The following MAPT variants were observed in gnomAD, a reference collection of about 807,000 sequenced individuals.
MAPT encodes microtubule associated protein tau, also known as microtubule-associated protein tau.
Under a neutral mutation model 67.9 loss-of-function variants are expected in MAPT, and 34 were observed. The ratio of observed to expected loss-of-function variants is 0.50; its 90% CI spans 0.38 to 0.67. MAPT has a LOEUF of 0.67. MAPT is among the 30% of genes least tolerant of loss of function. MAPT has a pLI of 0.00. For missense variants in MAPT, 881 were observed against 1,115.2 expected, an observed-to-expected ratio of 0.79 and a Z score of 2.99; for synonymous variants, 456 against 464.5, an observed-to-expected ratio of 0.98 and a Z score of 0.23.
Position 45,981,456 on chromosome 17 carries a change from T to C in MAPT, c.287-1410T>C, listed in dbSNP as rs1357935114. Among the ~76,000 whole-genome samples the C allele has an allele frequency of 3.9e-5, 6 of 152,200 alleles. 1 individual carries two copies. The East Asian group carries it at 1.2e-3, about 29-fold the overall frequency. ...TCAGCTGGGTTGGTGTGCAGCAAGCTGTGTGACCAGGGGACAGCAGTGGTC... is the reference window on the plus strand; with the variant it reads ...TCAGCTGGGTTGGTGTGCAGCAAGCCGTGTGACCAGGGGACAGCAGTGGTC... On this transcript the variant is annotated intron_variant, in intron 4 of 12. Coordinates refer to ENST00000262410, the MANE Select transcript of MAPT (RefSeq NM_001377265.1).
intron 1 of MAPT, among the ~76,000 whole-genome samples, chr17:45,935,623 C>A (rs62061719): frequency 6.6e-6 from 1 of 152,036 alleles, no homozygotes; most frequent in Non-Finnish European, 1.5e-5. Context: ...CCCCTGATGC[C>A]GGCTCCTGGC....
At position 45,983,798 on chromosome 17, in the gene MAPT, G is replaced by A; in HGVS notation, c.1219G>A (p.Gly407Arg). Reference protein sequence around the residue: ...LGRAAFPGAPGEGPEARGPSL... With the variant: ...LGRAAFPGAPREGPEARGPSL... ...AAGGGCTGCATTTCCAGGGGCCCCT[G>A]GAGAGGGGCCAGAGGCCCGGGGCCC... The change falls in exon 5 of 13, where the codon GGA becomes AGA. Residue 407 changes from glycine (G) to arginine (R), a missense_variant. This residue lies in a region of MAPT where 687 missense variants were observed against 766.1 expected (regional missense o/e 0.90). Coordinates refer to ENST00000262410, the MANE Select transcript of MAPT (RefSeq NM_001377265.1). 6.2e-7 allele frequency: 1 copy of A among 1,613,708 alleles called. No individual in the cohort carries two copies. The highest frequency in any genetic ancestry group is 8.5e-7 in the Non-Finnish European group (1 of 1,179,934).
chr17:46,012,643 T>C (rs1192974038), intron 10 of MAPT, among the ~76,000 whole-genome samples: 1 of 152,094 alleles, frequency 6.6e-6, no homozygotes, highest in Admixed American at 6.5e-5. Context: ...CTGGAAGCTC[T>C]GCAGGGCCTG....
chr17:45,920,876 C>T (rs1311473519), intron 1 of MAPT, among the ~76,000 whole-genome samples: 2 of 152,224 alleles, frequency 1.3e-5, no homozygotes, highest in Non-Finnish European at 2.9e-5. Flanking sequence ...CCTTCACCCA[C>T]CTCGCCCCTC....
intron 2 of MAPT, among the ~76,000 whole-genome samples, chr17:45,968,052 C>G (rs1349677104): frequency 2.0e-5 from 3 of 152,200 alleles, no homozygotes; most frequent in Non-Finnish European, 4.4e-5. Flanking sequence ...CGCCCTTCAT[C>G]CTGTCCCCCA....
Position 45,942,897 on chromosome 17 carries a change from C to A in MAPT, c.-17-19424C>A, listed in dbSNP as rs531649114. On this transcript the variant is annotated intron_variant, in intron 1 of 12. Transcript: ENST00000262410. ...TGACTTGCCCCAAAGTCGCACAGCT[C>A]CTAAGTGAAGGATTCGGAGTGGACT... Among the ~76,000 whole-genome samples, 6 of 152,312 alleles carry A rather than the reference C, an allele frequency of 3.9e-5. No individual in the cohort carries two copies. In the South Asian group the frequency reaches 1.2e-3, roughly 32 times the overall value.
chr17:45,967,289 C>T (rs1056470167), intron 2 of MAPT, among the ~76,000 whole-genome samples: 2 of 152,262 alleles, frequency 1.3e-5, no homozygotes, highest in South Asian at 4.1e-4. Flanking sequence ...TTCACTACTT[C>T]CAAGGGATTT....
chr17:45,993,983 C>T (rs1310111488), intron 8 of MAPT: 5 of 1,565,766 alleles, frequency 3.2e-6, no homozygotes, highest in Non-Finnish European at 4.3e-6. Flanking sequence ...GAGAGGTACT[C>T]GGGAGCCTAC....
chr17:46,000,889 G>A (rs1287160195), intron 9 of MAPT, among the ~76,000 whole-genome samples: 1 of 152,182 alleles, frequency 6.6e-6, no homozygotes, highest in African/African-American at 2.4e-5. Flanking sequence ...TTTGGCCTGC[G>A]GGAGTGGGAG....
At chr17:45,900,552 G>C (rs1009279638) in intron 1 of MAPT, among the ~76,000 whole-genome samples, 2 of 152,156 alleles carry the variant, frequency 1.3e-5, no homozygotes, top group African/African-American at 4.8e-5. Flanking sequence ...TCAGGGACCC[G>C]ATAGAAATCC....
intron 3 of MAPT, 73 bp from the exon 4 acceptor site, chr17:45,978,302 C>G (rs2145573405): frequency 8.3e-7 from 1 of 1,198,846 alleles, no homozygotes; most frequent in Non-Finnish European, 1.2e-6. Flanking sequence ...CCCGAAGGTA[C>G]AGAGAGCTTG....
intron 1 of MAPT, among the ~76,000 whole-genome samples, chr17:45,951,159 A>G (rs975509691): frequency 6.6e-6 from 1 of 152,218 alleles, no homozygotes; most frequent in Non-Finnish European, 1.5e-5. Context: ...GAAGAGATAC[A>G]TCCATGGTGA....
At chr17:45,972,501 A>G (rs17572248) in intron 3 of MAPT, among the ~76,000 whole-genome samples, 22,014 of 152,188 alleles carry the variant, frequency 0.14, 2,143 homozygotes, top group Non-Finnish European at 0.22. Flanking sequence ...GATTTTGACC[A>G]TCTTCTCTTG....
intron 1 of MAPT, among the ~76,000 whole-genome samples, chr17:45,919,828 G>A (rs555271959): frequency 1.3e-5 from 2 of 152,232 alleles, no homozygotes; most frequent in East Asian, 1.9e-4. Flanking sequence ...TGGGAGGATC[G>A]CTTGTGCCCA....
intron 9 of MAPT, among the ~76,000 whole-genome samples, chr17:46,002,027 G>A (rs1414591048): frequency 6.6e-6 from 1 of 152,218 alleles, no homozygotes; most frequent in African/African-American, 2.4e-5. Context: ...GCAACGTGGA[G>A]CTCTTCAGAG....
At chr17:45,964,124 T>C (rs1188639693) in intron 2 of MAPT, among the ~76,000 whole-genome samples, 2 of 152,124 alleles carry the variant, frequency 1.3e-5, no homozygotes, top group African/African-American at 4.8e-5. Context: ...CAGCCAGTGC[T>C]GCCAGATTCA....
rs531732004 is a variant in MAPT at position 45,949,153 on chromosome 17, G to T, written c.-17-13168G>T. Among the ~76,000 whole-genome samples, 4 of 152,394 alleles carry T rather than the reference G, an allele frequency of 2.6e-5. No individual in the cohort carries two copies. The East Asian group carries it at 7.7e-4, about 29-fold the overall frequency. On this transcript the variant is annotated intron_variant, in intron 1 of 12. Transcript: ENST00000262410. ...GATAAGGAGGACCACGCTTTCCCCA[G>T]ACCAGAACCGCGGGCCAGGGGGCGA...
rs1222427494 is a variant in MAPT at position 45,941,641 on chromosome 17, T to TCCTTCCCC, written c.-17-20673_-17-20666dup. 1.1e-3 allele frequency among the ~76,000 whole-genome samples: 81 copies of TCCTTCCCC among 70,548 alleles called. 1 individual carries two copies. The East Asian group carries it at 0.013, about 11-fold the overall frequency. The allele number at this position is 70,548 out of a possible 152,430, so 46.3% of individuals were successfully genotyped here. On this transcript the variant is annotated intron_variant, in intron 1 of 12. Coordinates refer to ENST00000262410, the MANE Select transcript of MAPT (RefSeq NM_001377265.1). ...CCCCTTCCCTCCTTCCCTCTTTCCC[T>TCCTTCCCC]CCTTCCCCCCTTCCACCCTTCCCCC...
At chr17:45,954,195 TATAA>T (rs1262134371) in intron 1 of MAPT, among the ~76,000 whole-genome samples, 1 of 152,236 alleles carries the variant, frequency 6.6e-6, no homozygotes, top group Non-Finnish European at 1.5e-5. Context: ...TTCTAATATC[TATAA>T]ATAGTGTTTT....
Sources: gnomAD v4.1 joint callset for allele counts (sites outside exome capture counted in the v4.1 genomes callset) on GRCh38, gnomAD v4.1.1 for gene constraint, gnomAD v4.1.1 regional missense constraint, MANE v1.5 for transcripts, NCBI Gene and HGNC (gene_info 2026-07-23, HGNC 2026-07-21) for gene names.